SRD5A2: variants seen among roughly 807,000 people sequenced by gnomAD.
SRD5A2 encodes 3-oxo-5-alpha-steroid 4-dehydrogenase 2.
In SRD5A2, 30 loss-of-function variants were observed where a neutral mutation model predicts 27.4. The observed-to-expected ratio is 1.10, with a 90% CI of 0.82 to 1.49. The LOEUF (loss-of-function observed/expected upper bound fraction) is 1.49, where lower values mean the gene tolerates loss of function less well. SRD5A2 is among the 40% of genes most tolerant of loss of function. The pLI, the probability that SRD5A2 is intolerant of heterozygous loss-of-function variation, is 0.00. For synonymous variants in SRD5A2, 141 were observed against 133.6 expected, an observed-to-expected ratio of 1.06 and a Z score of -0.38; for missense variants, 348 against 323.4, an observed-to-expected ratio of 1.08 and a Z score of -0.58.
intron 1 of SRD5A2, among the ~76,000 whole-genome samples, chr2:31,557,409 A>G (rs1666521273): frequency 6.6e-6 from 1 of 152,238 alleles, no homozygotes; most frequent in Admixed American, 6.5e-5. Context: ...TTCCAAGTCT[A>G]TGTCTACACA....
chr2:31,544,423 G>A (rs1666202023), intron 1 of SRD5A2, among the ~76,000 whole-genome samples: 1 of 151,738 alleles, frequency 6.6e-6, no homozygotes, highest in Non-Finnish European at 1.5e-5. Flanking sequence ...CTATAAATAT[G>A]TGAAAATTTT....
chr2:31,610,384 A>G, the SRD5A2 span, among the ~76,000 whole-genome samples: 1 of 152,204 alleles, frequency 6.6e-6, no homozygotes, highest in Non-Finnish European at 1.5e-5. Flanking sequence ...ATGTAAATCA[A>G]TAAATGTGAT....
chr2:31,541,747 C>T (rs982146887), intron 1 of SRD5A2, among the ~76,000 whole-genome samples: 2 of 152,164 alleles, frequency 1.3e-5, no homozygotes, highest in African/African-American at 4.8e-5. Context: ...AGCCACATAG[C>T]ACAGAGAGAC....
chr2:31,638,519 G>T, the SRD5A2 span, among the ~76,000 whole-genome samples: 1 of 152,068 alleles, frequency 6.6e-6, no homozygotes, highest in Admixed American at 6.6e-5. Flanking sequence ...TAACAGTGGG[G>T]TGTTAAAGTC....
chr2:31,605,688 C>G, the SRD5A2 span, among the ~76,000 whole-genome samples: 4 of 151,544 alleles, frequency 2.6e-5, no homozygotes, highest in Admixed American at 1.3e-4. Flanking sequence ...CATTTGTACA[C>G]TGTTTGTGGA....
intron 1 of SRD5A2, among the ~76,000 whole-genome samples, chr2:31,538,743 C>T (rs1032603572): frequency 6.6e-6 from 1 of 152,196 alleles, no homozygotes; most frequent in Non-Finnish European, 1.5e-5. Context: ...AAATAAATAA[C>T]CTCCAATGCC....
rs556268365 is a variant in SRD5A2 at position 31,526,632 on chromosome 2, G to C, written c.699-370C>G. ...GGAGGTACTTGTTTGGATTCAGCTGGGAAATACAGGGAACCAAAGACTATG... is the reference window on the plus strand; with the variant it reads ...GGAGGTACTTGTTTGGATTCAGCTGCGAAATACAGGGAACCAAAGACTATG... On this transcript the variant is annotated intron_variant, in intron 4 of 4. Coordinates refer to ENST00000622030, the MANE Select transcript of SRD5A2 (RefSeq NM_000348.4). Among the ~76,000 whole-genome samples, 20 of 152,192 alleles carry C rather than the reference G, an allele frequency of 1.3e-4. No homozygotes were observed. The South Asian group carries it at 3.9e-3, about 30-fold the overall frequency.
At chr2:31,614,097 T>C in the SRD5A2 span, among the ~76,000 whole-genome samples, 1 of 152,146 alleles carries the variant, frequency 6.6e-6, no homozygotes, top group Non-Finnish European at 1.5e-5. Flanking sequence ...TTCCCAACAG[T>C]TCCTCAAAGT....
chr2:31,637,953 A>G, the SRD5A2 span, among the ~76,000 whole-genome samples: 1 of 151,712 alleles, frequency 6.6e-6, no homozygotes, highest in Non-Finnish European at 1.5e-5. Context: ...TTTATTATCT[A>G]TTTCCTTCTA....
At chr2:31,526,484 G>A (rs1665783977) in intron 4 of SRD5A2, among the ~76,000 whole-genome samples, 1 of 152,168 alleles carries the variant, frequency 6.6e-6, no homozygotes, top group East Asian at 1.9e-4. Flanking sequence ...AGAGGGTAGT[G>A]GTGATGGCTG....
chr2:31,559,836 C>T (rs1378133166), intron 1 of SRD5A2, among the ~76,000 whole-genome samples: 1 of 63,716 alleles, frequency 1.6e-5, no homozygotes, highest in Non-Finnish European at 4.0e-5. Flanking sequence ...GTAAACAAAC[C>T]CACACACACA....
intron 1 of SRD5A2, among the ~76,000 whole-genome samples, chr2:31,553,354 C>T (rs1219858608): frequency 2.0e-5 from 3 of 152,024 alleles, no homozygotes; most frequent in African/African-American, 7.2e-5. Context: ...GGAAAAAAAG[C>T]TTATTTAAAG....
the SRD5A2 span, chr2:31,651,328 A>G: frequency 5.8e-6 from 1 of 172,906 alleles, no homozygotes; most frequent in African/African-American, 2.4e-5. Context: ...TGAAAGACAG[A>G]CAATAAATAC....
the SRD5A2 span, among the ~76,000 whole-genome samples, chr2:31,606,258 A>G: frequency 3.9e-5 from 6 of 151,978 alleles, no homozygotes; most frequent in South Asian, 1.2e-3. Context: ...AGTCAATAAC[A>G]ATTTAATTGT....
chr2:31,556,500 G>A (rs1412898302), intron 1 of SRD5A2, among the ~76,000 whole-genome samples: 14 of 152,100 alleles, frequency 9.2e-5, no homozygotes, highest in Admixed American at 8.5e-4. Context: ...AATCCACGTG[G>A]GCCCTAGATG....
chr2:31,575,798 A>C (rs533763261), intron 1 of SRD5A2, among the ~76,000 whole-genome samples: 10 of 152,212 alleles, frequency 6.6e-5, no homozygotes, highest in Non-Finnish European at 1.0e-4. Flanking sequence ...CTCTGGAAAA[A>C]AAAATGTTTC....
the SRD5A2 span, among the ~76,000 whole-genome samples, chr2:31,590,996 T>A: frequency 6.6e-6 from 1 of 152,274 alleles, no homozygotes; most frequent in African/African-American, 2.4e-5. Flanking sequence ...GAAGAAAACC[T>A]AGGCAATACC....
the SRD5A2 span, among the ~76,000 whole-genome samples, chr2:31,620,940 AT>A: frequency 1.4e-5 from 2 of 147,112 alleles, no homozygotes; most frequent in South Asian, 4.2e-4. Flanking sequence ...ATAAAATTAT[AT>A]TTTATGTAAA....
At chr2:31,631,509 T>C in the SRD5A2 span, among the ~76,000 whole-genome samples, 1 of 152,178 alleles carries the variant, frequency 6.6e-6, no homozygotes. Flanking sequence ...AAAACACCCC[T>C]AAGATGTATT....
Sources: gnomAD v4.1 joint callset for allele counts (sites outside exome capture counted in the v4.1 genomes callset) on GRCh38, gnomAD v4.1.1 for gene constraint, MANE v1.5 for transcripts, NCBI Gene and HGNC (gene_info 2026-07-23, HGNC 2026-07-21) for gene names.